Variants in TRAM2 observed in about 807,000 individuals in gnomAD.
The protein encoded by TRAM2 is translocation associated membrane protein 2.
TRAM2 carries 12 observed loss-of-function variants against 51.0 expected under a neutral mutation model. The ratio of observed to expected loss-of-function variants is 0.24; its 90% CI spans 0.15 to 0.38. TRAM2 has a LOEUF of 0.38. Among genes scored for constraint, TRAM2 ranks in the 10% least tolerant of loss-of-function variants. The pLI, the probability that TRAM2 is intolerant of heterozygous loss-of-function variation, is 1.00. For missense variants in TRAM2, 361 were observed against 462.0 expected, an observed-to-expected ratio of 0.78 and a Z score of 2.00; for synonymous variants, 175 against 179.4, an observed-to-expected ratio of 0.98 and a Z score of 0.20.
intron 1 of TRAM2, among the ~76,000 whole-genome samples, chr6:52,539,216 G>A (rs189253117): frequency 3.5e-4 from 53 of 152,290 alleles, no homozygotes; most frequent in Admixed American, 1.3e-3. Context: ...TGCAAAAAAT[G>A]TGGCACTAAA....
At chr6:52,572,623 A>C (rs756401968) in intron 1 of TRAM2, among the ~76,000 whole-genome samples, 1 of 152,222 alleles carries the variant, frequency 6.6e-6, no homozygotes, top group Non-Finnish European at 1.5e-5. Flanking sequence ...GTGTCCACAG[A>C]TGTATTATGT....
chr6:52,567,921 A>G (rs911069396), intron 1 of TRAM2, among the ~76,000 whole-genome samples: 18 of 152,192 alleles, frequency 1.2e-4, no homozygotes, highest in African/African-American at 4.1e-4. Flanking sequence ...CTACTCCTAA[A>G]TCTATAGGAT....
In TRAM2 at chr6:52,504,723, G is replaced by C; in HGVS notation, c.907C>G (p.Gln303Glu). ...ATGAAGCGCCACATGAGCCAGGCCT[G>C]GGCGGCACACACCAGCAGCAGCACG... is the stretch of plus-strand genomic sequence containing the variant. The part of the protein sequence containing the change: ...LCVLLLVCAA[Q>E]AWLMWRFIHS... The change falls in exon 10 of 11, where the codon CAG becomes GAG. Residue 303 changes from glutamine (Q) to glutamate (E), a missense_variant. Physicochemically the swap from Gln to Glu is conservative, Grantham distance 29. Transcript: ENST00000182527. The C allele has an allele frequency of 1.2e-6, 2 of 1,610,276 alleles. No homozygotes were observed. The highest frequency in any genetic ancestry group is 1.7e-6 in the Non-Finnish European group (2 of 1,178,994).
intron 1 of TRAM2, among the ~76,000 whole-genome samples, chr6:52,576,433 C>T (rs1562492647): frequency 6.6e-6 from 1 of 152,240 alleles, no homozygotes. Flanking sequence ...GTCTGGGAGT[C>T]TCTGGGCTTG....
rs775281396 is a variant in TRAM2, at chr6:52,503,204, G to A, written c.1106C>T (p.Ser369Phe). ...GTSPRTKKLKSP is the reference protein window; with the variant it reads ...GTSPRTKKLKFP ...GTTCTTAGCACTTTGGCCTTAGGGAGACTTGAGTTTCTTAGTCCGTGGGGA... is the reference window on the plus strand; with the variant it reads ...GTTCTTAGCACTTTGGCCTTAGGGAAACTTGAGTTTCTTAGTCCGTGGGGA... The change falls in exon 11 of 11, where the codon TCT becomes TTT. Residue 369 changes from serine to phenylalanine, a missense_variant. Coordinates refer to ENST00000182527, the MANE Select transcript of TRAM2 (RefSeq NM_012288.4). 10 of 1,613,774 alleles carry A rather than the reference G, an allele frequency of 6.2e-6. No homozygotes were observed. The highest frequency in any genetic ancestry group is 3.3e-5 in the South Asian group (3 of 91,062).
chr6:52,535,703 A>T (rs1303794547), intron 2 of TRAM2, 80 bp downstream of exon 2: 1 of 1,342,600 alleles, frequency 7.4e-7, no homozygotes, highest in Non-Finnish European at 1.0e-6. Context: ...AAAAAATTGT[A>T]CACAGATGGG....
At chr6:52,526,641 G>A (rs565380361) in intron 2 of TRAM2, among the ~76,000 whole-genome samples, 5 of 152,182 alleles carry the variant, frequency 3.3e-5, no homozygotes, top group Admixed American at 1.3e-4. Flanking sequence ...TGCTCACCTC[G>A]GCCTCCCAAA....
At position 52,509,585 on chromosome 6, in the gene TRAM2, T is replaced by C; in HGVS notation, c.413A>G (p.Glu138Gly). 6.2e-7 allele frequency: 1 copy of C among 1,614,008 alleles called. No homozygotes were observed. The highest frequency in any genetic ancestry group is 1.1e-5 in the South Asian group (1 of 91,054). ...VIWCFYVVVT[E>G]GYLTNPRSLW... ...GCTTCTTGGGTTTGTTAAGTATCCTTCCTGCAGTGGGCAAGAAGAGAGACC... is the reference window on the plus strand; with the variant it reads ...GCTTCTTGGGTTTGTTAAGTATCCTCCCTGCAGTGGGCAAGAAGAGAGACC... Residue 138 changes from glutamate (E) to glycine (G), a missense_variant and splice_region_variant, in exon 5 of 11, where the codon GAA becomes GGA. Coordinates refer to ENST00000182527, the MANE Select transcript of TRAM2 (RefSeq NM_012288.4).
intron 1 of TRAM2, among the ~76,000 whole-genome samples, chr6:52,550,225 C>T (rs2268718): frequency 0.19 from 29,196 of 152,162 alleles, 3,679 homozygotes; most frequent in Non-Finnish European, 0.28. Flanking sequence ...CAGCCCCTCC[C>T]CTTCAACCAC....
intron 2 of TRAM2, among the ~76,000 whole-genome samples, chr6:52,519,846 A>G (rs981236389): frequency 3.9e-5 from 6 of 152,202 alleles, no homozygotes; most frequent in South Asian, 2.1e-4. Context: ...ACATGCTACA[A>G]CATGGGTGGA....
chr6:52,568,624 A>T (rs981805885), intron 1 of TRAM2, among the ~76,000 whole-genome samples: 1 of 152,150 alleles, frequency 6.6e-6, no homozygotes, highest in Non-Finnish European at 1.5e-5. Flanking sequence ...TCATGAAAGG[A>T]GCTGATAAAT....
chr6:52,546,568 A>C (rs1767204335), intron 1 of TRAM2, among the ~76,000 whole-genome samples: 1 of 152,190 alleles, frequency 6.6e-6, no homozygotes. Flanking sequence ...TGATGGCACA[A>C]TTAATTAAGG....
intron 6 of TRAM2, 38 bp downstream of exon 6, chr6:52,508,196 T>G (rs1378626720): frequency 6.3e-7 from 1 of 1,599,138 alleles, no homozygotes; most frequent in Admixed American, 1.7e-5. Context: ...GAGTGGTCAA[T>G]GAATGGCCTC....
At position 52,576,864 on chromosome 6, in the gene TRAM2, C is replaced by G. The variant is rs1767777919; in HGVS notation, c.52G>C (p.Val18Leu). 2.5e-6 allele frequency: 4 copies of G among 1,613,816 alleles called. No homozygotes were observed. The highest frequency in any genetic ancestry group is 3.4e-6 in the Non-Finnish European group (4 of 1,179,822). The change falls in exon 1 of 11, where the codon GTC becomes CTC. Residue 18 changes from valine to leucine, a missense_variant. Coordinates refer to ENST00000182527, the MANE Select transcript of TRAM2 (RefSeq NM_012288.4). ...KSYPLFSQEF[V>L]IHNHADIGFC... ...CCGATGTCCGCATGGTTGTGGATGA[C>G]GAACTCCTGGCTGAAGAGCGGGTAA...
chr6:52,569,827 A>T (rs569100687), intron 1 of TRAM2, among the ~76,000 whole-genome samples: 196 of 152,274 alleles, frequency 1.3e-3, no homozygotes, highest in Non-Finnish European at 2.4e-3. Context: ...CTCAATAAAA[A>T]GCTGCCAAAT....
intron 4 of TRAM2, among the ~76,000 whole-genome samples, chr6:52,513,174 GT>G (rs1404940321): frequency 2.6e-5 from 4 of 152,162 alleles, no homozygotes; most frequent in Non-Finnish European, 5.9e-5. Flanking sequence ...AGAGAGAAAT[GT>G]TTCAATCAAA....
intron 1 of TRAM2, among the ~76,000 whole-genome samples, chr6:52,552,710 C>T (rs546006034): frequency 6.6e-5 from 10 of 152,282 alleles, no homozygotes; most frequent in South Asian, 6.2e-4. Flanking sequence ...ACTTCTATTC[C>T]GGCGACACTC....
intron 2 of TRAM2, chr6:52,529,783 T>C (rs1321858756): frequency 1.3e-5 from 2 of 152,258 alleles, no homozygotes; most frequent in African/African-American, 4.8e-5. Flanking sequence ...GACAACCTTG[T>C]GGCTAAATGC....
intron 7 of TRAM2, 55 bp downstream of exon 7, chr6:52,507,498 G>C (rs1375193769): frequency 6.4e-7 from 1 of 1,559,072 alleles, no homozygotes; most frequent in Admixed American, 1.7e-5. Context: ...TGTGTGGACA[G>C]ATGCATGGAC....
Sources: gnomAD v4.1 joint callset for allele counts (sites outside exome capture counted in the v4.1 genomes callset) on GRCh38, gnomAD v4.1.1 for gene constraint, MANE v1.5 for transcripts, NCBI Gene and HGNC (gene_info 2026-07-23, HGNC 2026-07-21) for gene names.